Variants in ITGAE observed in about 807,000 individuals in gnomAD.
ITGAE encodes integrin subunit alpha E, also known as integrin alpha-E.
ITGAE carries 99 observed loss-of-function variants against 136.5 expected under a neutral mutation model. The observed-to-expected ratio is 0.73, with a 90% CI of 0.62 to 0.86. ITGAE has a LOEUF of 0.86. Among genes scored for constraint, ITGAE ranks in the 40% least tolerant of loss-of-function variants. ITGAE has a pLI of 0.00. For synonymous variants in ITGAE, 613 were observed against 591.8 expected (o/e 1.04, Z -0.52); for missense variants, 1,447 against 1,515.3 (o/e 0.95, Z 0.75).
At chr17:3,733,640 C>G (rs745686779) in intron 21 of ITGAE, among the ~76,000 whole-genome samples, 11 of 152,106 alleles carry the variant, frequency 7.2e-5, no homozygotes, top group Admixed American at 7.2e-4. Flanking sequence ...AGGCTGGTCT[C>G]GAACTCCTGA....
intron 23 of ITGAE, among the ~76,000 whole-genome samples, chr17:3,729,986 A>G (rs750702397): frequency 6.6e-6 from 1 of 152,138 alleles, no homozygotes; most frequent in Non-Finnish European, 1.5e-5. Context: ...CTGTCAACCC[A>G]GCACCTAGTT....
At chr17:3,734,284 A>G (rs527329135) in intron 21 of ITGAE, among the ~76,000 whole-genome samples, 13 of 152,122 alleles carry the variant, frequency 8.5e-5, no homozygotes, top group African/African-American at 3.1e-4. Flanking sequence ...CGTGTTAGCC[A>G]GGATGGTCTC....
intron 27 of ITGAE, 44 bp from the exon 28 acceptor site, chr17:3,723,427 A>T: frequency 7.1e-7 from 1 of 1,407,184 alleles, no homozygotes; most frequent in African/African-American, 1.4e-5. Flanking sequence ...TTCCGTGCGG[A>T]AAGTCTGAAA....
chr17:3,763,906 A>G lies in ITGAE; in HGVS notation c.210T>C (p.Cys70=). 6.6e-7 allele frequency: 1 copy of G among 1,509,572 alleles called. No homozygotes were observed. Among genetic ancestry groups the G allele is most frequent in the Admixed American group, 1.7e-5 (1 of 59,302 alleles). 93.5% of individuals were successfully genotyped at this position (1,509,572 alleles called of 1,614,324 possible). The change falls in exon 3 of 31, where the codon TGT becomes TGC. Residue 70 remains cysteine (C), a synonymous_variant. Transcript: ENST00000263087. ...AAAGGATTTCATCCTGGACAAGGGA[A>G]CATCGATGGAGGGGCCCTGGTGTCC... ...TKRTPGPLHR[C]SLVQDEILCH...
At chr17:3,724,372 T>C (rs2051154656) in intron 26 of ITGAE, 2 of 1,606,448 alleles carry the variant, frequency 1.2e-6, no homozygotes, top group East Asian at 2.2e-5. Flanking sequence ...TCCGGCCGCC[T>C]CAGCCCGGAC....
At chr17:3,746,828 T>TG (rs1262340104) in intron 17 of ITGAE, among the ~76,000 whole-genome samples, 3 of 152,188 alleles carry the variant, frequency 2.0e-5, no homozygotes, top group Non-Finnish European at 4.4e-5. Flanking sequence ...CCTGACCTCG[T>TG]GATCTGCCCA....
chr17:3,718,852 G>T (rs2050990894), intron 29 of ITGAE, among the ~76,000 whole-genome samples: 1 of 152,266 alleles, frequency 6.6e-6, no homozygotes, highest in South Asian at 2.1e-4. Flanking sequence ...ATTTTTATTT[G>T]TTAAAATCTG....
In ITGAE at chr17:3,731,147, C is replaced by G; in HGVS notation, c.2791G>C (p.Ala931Pro). The change falls in exon 23 of 31, where the codon GCC (alanine) becomes CCC (proline). Residue 931 changes from alanine (A) to proline (P), a missense_variant. By Grantham distance (27) the Ala-to-Pro change is conservative (BLOSUM62 -1). Transcript: ENST00000263087. ...ATGTCTGCTGTCCTGTTTGGAAAGG[C>G]ATTCTCCTCTAGCTGCCAAACGACT... Reference protein sequence around the residue: ...VSVVWQLEENAFPNRTADITV... With the variant: ...VSVVWQLEENPFPNRTADITV... 1 of 1,613,786 alleles carries G rather than the reference C, an allele frequency of 6.2e-7. No individual in the cohort carries two copies. Among genetic ancestry groups the G allele is most frequent in the Non-Finnish European group, 8.5e-7 (1 of 1,179,798 alleles).
intron 2 of ITGAE, among the ~76,000 whole-genome samples, chr17:3,772,312 C>T (rs746285413): frequency 6.6e-5 from 10 of 152,080 alleles, no homozygotes; most frequent in Non-Finnish European, 1.2e-4. Context: ...CTCATGAGCC[C>T]GGGAGCTCCA....
At position 3,731,019 on chromosome 17, in the gene ITGAE, G is replaced by A. The variant is rs2051328983; in HGVS notation, c.2834+85C>T. ...TCCTTTCTCCCTGGGCTGTAAGGGGGCCGTTCCTCTCACAGCGTGCATGTG... is the reference window on the plus strand; with the variant it reads ...TCCTTTCTCCCTGGGCTGTAAGGGGACCGTTCCTCTCACAGCGTGCATGTG... On this transcript the variant is annotated intron_variant, in intron 23 of 30. Transcript: ENST00000263087. The A allele has an allele frequency of 4.6e-6, 5 of 1,091,060 alleles. No homozygotes were observed. The Admixed American group carries it at 5.4e-5, about 12-fold the overall frequency. The allele number at this position is 1,091,060 out of a possible 1,614,324, so 67.6% of individuals were successfully genotyped here.
At chr17:3,755,733 G>T in intron 11 of ITGAE, 97 bp downstream of exon 11, 2 of 951,502 alleles carry the variant, frequency 2.1e-6, no homozygotes, top group Non-Finnish European at 3.3e-6. Context: ...CACAGGTAGG[G>T]CAGAGCCCTG....
At chr17:3,753,958 C>T (rs907320039) in intron 12 of ITGAE, 33 bp from the exon 13 acceptor site, 2 of 1,603,260 alleles carry the variant, frequency 1.2e-6, no homozygotes, top group Non-Finnish European at 1.7e-6. Flanking sequence ...GTGAACACAC[C>T]GTGTGCTCCC....
chr17:3,725,099 C>G (rs748805896), intron 26 of ITGAE: 5 of 1,614,218 alleles, frequency 3.1e-6, no homozygotes, highest in African/African-American at 1.3e-5. Flanking sequence ...GGGCTTCCTT[C>G]AGTTTCCACA....
chr17:3,719,235 C>CAAAAAAAAA (rs746282209), intron 29 of ITGAE, among the ~76,000 whole-genome samples: 3 of 66,210 alleles, frequency 4.5e-5, no homozygotes, highest in Non-Finnish European at 5.9e-5. Flanking sequence ...GATTCTTCCT[C>CAAAAAAAAA]AAAAAAAAAA....
chr17:3,787,037 G>C lies in ITGAE; in HGVS notation c.35-9377C>G, dbSNP rs556745271. On this transcript the variant is annotated intron_variant, in intron 1 of 30. Transcript: ENST00000263087. ...AAATCATATGATTATGATAGATGCA[G>C]AAAATGGCATCTGATAAAATCCAAG... Among the ~76,000 whole-genome samples the C allele has an allele frequency of 2.0e-5, 3 of 151,930 alleles. No individual in the cohort carries two copies. In the South Asian group the frequency reaches 6.2e-4, roughly 32 times the overall value.
rs187535103 is a variant in ITGAE at position 3,714,985 on chromosome 17, G to C, written c.3445-43C>G. ...AAAGTCCAGTTACAGGCCAAAGATA[G>C]CCATCTGTTTCAGAAAACCGGCATT... On this transcript the variant is annotated intron_variant, in intron 30 of 30. Coordinates refer to ENST00000263087, the MANE Select transcript of ITGAE (RefSeq NM_002208.5). 8 of 1,208,058 alleles carry C rather than the reference G, an allele frequency of 6.6e-6. No individual in the cohort carries two copies. The African/African-American group carries it at 1.2e-4, about 18-fold the overall frequency. 74.8% of individuals were successfully genotyped at this position (1,208,058 alleles called of 1,614,324 possible).
chr17:3,721,567 C>G (rs2143006787), intron 28 of ITGAE: 1 of 152,410 alleles, frequency 6.6e-6, no homozygotes, highest in East Asian at 1.9e-4. Context: ...TGTGAGCCAC[C>G]ACACTCACAA....
intron 28 of ITGAE, among the ~76,000 whole-genome samples, chr17:3,722,970 C>T (rs2051088253): frequency 6.6e-6 from 1 of 152,134 alleles, no homozygotes; most frequent in African/African-American, 2.4e-5. Context: ...TGAATTACAA[C>T]GGCAGTGGAA....
chr17:3,740,141 CCTT>C (rs746556957), intron 19 of ITGAE, among the ~76,000 whole-genome samples: 3 of 152,208 alleles, frequency 2.0e-5, no homozygotes, highest in Non-Finnish European at 2.9e-5. Flanking sequence ...ACTGGGGTGA[CCTT>C]CACGGAATGT....
Sources: gnomAD v4.1 joint callset for allele counts (sites outside exome capture counted in the v4.1 genomes callset) on GRCh38, gnomAD v4.1.1 for gene constraint, MANE v1.5 for transcripts, NCBI Gene and HGNC (gene_info 2026-07-23, HGNC 2026-07-21) for gene names.